The following GPC3 variants were observed in gnomAD, a reference collection of about 807,000 sequenced individuals.
The protein encoded by GPC3 is glypican 3.
GPC3 carries 3 observed loss-of-function variants against 34.4 expected under a neutral mutation model. The ratio of observed to expected loss-of-function variants is 0.09; its 90% CI spans 0.04 to 0.23. GPC3 has a LOEUF of 0.23. GPC3 is among the 10% of genes least tolerant of loss of function. The probability of loss-of-function intolerance (pLI) is 1.00; values close to 1 mark genes in which losing one functional copy is unlikely to be tolerated. For synonymous variants in GPC3, 177 were observed against 174.0 expected (o/e 1.02, Z -0.13); for missense variants, 351 against 445.6 (o/e 0.79, Z 1.91).
intron 2 of GPC3, among the ~76,000 whole-genome samples, chrX:133,848,580 A>G (rs1390053833): frequency 8.9e-6 from 1 of 112,313 alleles, no homozygotes; most frequent in Non-Finnish European, 1.9e-5. Context: ...ATAGACAACA[A>G]ATCTAGCATT....
At chrX:133,966,260 T>C (rs2076462980) in intron 1 of GPC3, among the ~76,000 whole-genome samples, 2 of 112,436 alleles carry the variant, frequency 1.8e-5, no homozygotes, top group African/African-American at 6.5e-5. Flanking sequence ...AAAAATTGTT[T>C]CAAGCTATTA....
intron 2 of GPC3, among the ~76,000 whole-genome samples, chrX:133,939,197 A>G (rs2076334575): frequency 8.9e-6 from 1 of 111,983 alleles, no homozygotes; most frequent in African/African-American, 3.2e-5. Context: ...GACACTGTCT[A>G]AATTCTTCCA....
chrX:133,603,251 C>T (rs1479226408), intron 6 of GPC3, among the ~76,000 whole-genome samples: 19 of 109,745 alleles, frequency 1.7e-4, no homozygotes, highest in African/African-American at 5.6e-4. Context: ...TTTTTTGAGC[C>T]GGGGTCTCAC....
intron 1 of GPC3, among the ~76,000 whole-genome samples, chrX:133,958,259 G>A (rs1490583675): frequency 8.9e-6 from 1 of 112,054 alleles, no homozygotes; most frequent in Non-Finnish European, 1.9e-5. Context: ...AGCAAGTGGA[G>A]TCTGGGCATG....
intron 2 of GPC3, among the ~76,000 whole-genome samples, chrX:133,805,092 A>C (rs1450679049): frequency 1.8e-5 from 2 of 112,305 alleles, no homozygotes; most frequent in Non-Finnish European, 3.8e-5. Flanking sequence ...TCTGGGTCAA[A>C]ATTCGTCCTT....
intron 2 of GPC3, among the ~76,000 whole-genome samples, chrX:133,788,394 C>A (rs1421724086): frequency 9.2e-6 from 1 of 109,057 alleles, no homozygotes; most frequent in Admixed American, 9.8e-5. Flanking sequence ...GATGCTTTCT[C>A]ACTATTATGA....
chrX:133,879,827 T>C (rs377747014), intron 2 of GPC3, among the ~76,000 whole-genome samples: 11 of 110,913 alleles, frequency 9.9e-5, no homozygotes, highest in Admixed American at 1.9e-4. Flanking sequence ...AAAGATGCAA[T>C]TCTTATTAAA....
At chrX:133,754,425 TTA>T (rs2071707769) in intron 2 of GPC3, among the ~76,000 whole-genome samples, 1 of 112,141 alleles carries the variant, frequency 8.9e-6, no homozygotes, top group African/African-American at 3.2e-5. Context: ...AACACACAAA[TTA>T]TATTTCAAAT....
chrX:133,785,055 C>T (rs954432171), intron 2 of GPC3, among the ~76,000 whole-genome samples: 1 of 111,836 alleles, frequency 8.9e-6, no homozygotes, highest in Non-Finnish European at 1.9e-5. Context: ...ACTTAAAATT[C>T]AGGTCTTTGA....
At chrX:133,939,044 G>C (rs941547116) in intron 2 of GPC3, among the ~76,000 whole-genome samples, 1 of 111,497 alleles carries the variant, frequency 9.0e-6, no homozygotes, top group Admixed American at 9.6e-5. Flanking sequence ...GGATTTGGGT[G>C]CCTGAATTAG....
intron 6 of GPC3, among the ~76,000 whole-genome samples, chrX:133,659,554 C>T (rs1025130932): frequency 2.7e-5 from 3 of 111,849 alleles, no homozygotes; most frequent in African/African-American, 9.7e-5. Flanking sequence ...CAGCACTCCT[C>T]TTCAGACTCT....
intron 6 of GPC3, among the ~76,000 whole-genome samples, chrX:133,651,104 C>T (rs2070596856): frequency 8.9e-6 from 1 of 111,851 alleles, no homozygotes; most frequent in African/African-American, 3.2e-5. Context: ...AACAAAAACT[C>T]ATGTGGAGCA....
At chrX:133,635,170 C>T (rs1338543869) in intron 6 of GPC3, among the ~76,000 whole-genome samples, 1 of 112,113 alleles carries the variant, frequency 8.9e-6, no homozygotes, top group African/African-American at 3.2e-5. Flanking sequence ...ATGAGAGGAT[C>T]CTATCCAATG....
intron 2 of GPC3, among the ~76,000 whole-genome samples, chrX:133,796,156 A>G (rs1016995534): frequency 1.8e-5 from 2 of 109,895 alleles, no homozygotes; most frequent in Non-Finnish European, 3.8e-5. Context: ...CGTGTTAGCC[A>G]GGATGGTCTC....
intron 7 of GPC3, among the ~76,000 whole-genome samples, chrX:133,567,878 A>G (rs889647665): frequency 8.9e-6 from 1 of 112,324 alleles, no homozygotes; most frequent in Non-Finnish European, 1.9e-5. Context: ...ATATTTAATG[A>G]TCTTTTGAAT....
intron 7 of GPC3, among the ~76,000 whole-genome samples, chrX:133,580,847 T>C (rs1363423788): frequency 8.9e-6 from 1 of 112,212 alleles, no homozygotes; most frequent in Non-Finnish European, 1.9e-5. Flanking sequence ...GTAATAATGT[T>C]GCCTCCCTGC....
chrX:133,622,046 G>T (rs1431315979), intron 6 of GPC3, among the ~76,000 whole-genome samples: 6 of 112,004 alleles, frequency 5.4e-5, no homozygotes, highest in Non-Finnish European at 7.5e-5. Flanking sequence ...AACAGGGTCT[G>T]GAGTGGACCT....
chrX:133,934,042 T>C (rs1219029394), intron 2 of GPC3, among the ~76,000 whole-genome samples: 1 of 89,696 alleles, frequency 1.1e-5, no homozygotes, highest in Non-Finnish European at 2.4e-5. Flanking sequence ...ATTTTTTGTA[T>C]TTTTTTTTTT....
chrX:133,538,617 A>ATT (rs34180192), intron 7 of GPC3, among the ~76,000 whole-genome samples: 6 of 93,096 alleles, frequency 6.4e-5, no homozygotes, highest in Non-Finnish European at 1.1e-4. Context: ...GTTGTGTCTA[A>ATT]TTTTTTTTTT....
Sources: allele counts gnomAD v4.1 joint callset (sites outside exome capture counted in the v4.1 genomes callset), GRCh38; gene constraint gnomAD v4.1.1; transcripts MANE v1.5; gene names NCBI Gene and HGNC (gene_info 2026-07-23, HGNC 2026-07-21).